Variants in HAS3 observed in about 807,000 individuals in gnomAD.
The protein encoded by HAS3 is HA synthase 3.
A neutral mutation model predicts 50.3 loss-of-function variants in HAS3; 27 were observed. The observed-to-expected ratio is 0.54, with a 90% confidence interval of 0.40 to 0.74. The LOEUF is 0.74. Among genes scored for constraint, HAS3 ranks in the 30% least tolerant of loss-of-function variants. HAS3 has a pLI of 0.00. For missense variants in HAS3, 517 were observed against 742.8 expected, an observed-to-expected ratio of 0.70 and a Z score of 3.53; for synonymous variants, 339 against 310.9, an observed-to-expected ratio of 1.09 and a Z score of -0.95.
At chr16:69,099,799 G>T in the HAS3 span, among the ~76,000 whole-genome samples, 1 of 150,642 alleles carries the variant, frequency 6.6e-6, no homozygotes, top group South Asian at 2.1e-4. Flanking sequence ...AAAGATAAGT[G>T]TTGAAAATTG....
chr16:69,095,768 T>A, the HAS3 span, among the ~76,000 whole-genome samples: 1 of 151,932 alleles, frequency 6.6e-6, no homozygotes, highest in Non-Finnish European at 1.5e-5. Flanking sequence ...GGGGGTCCCC[T>A]CCAACAAAGG....
Position 69,115,222 on chromosome 16 carries a change from G to A in HAS3, c.1618G>A (p.Gly540Arg). 1.9e-6 allele frequency: 3 copies of A among 1,545,630 alleles called. No individual in the cohort carries two copies. The highest frequency in any genetic ancestry group is 1.4e-5 in the African/African-American group (1 of 73,052). ...TCTGGCCATCATCGCCCGGCGATGT[G>A]GGAAGAAGCCGGAGCAGTACAGCTT... is the stretch of plus-strand genomic sequence containing the variant. The part of the protein sequence containing the change: ...LYLAIIARRC[G>R]KKPEQYSLAF... The change falls in exon 4 of 4, where the codon GGG becomes AGG. Residue 540 changes from glycine to arginine, a missense_variant. Physicochemically the swap from Gly to Arg is moderately radical, Grantham distance 125. Transcript: ENST00000569188.
Position 69,117,543 on chromosome 16 carries a change from A to G in HAS3, c.*2277A>G. Reference sequence around the variant, plus strand: ...TCAAATCCTCTTTTGTATTGTTTCTACAATAATTTGTAAACATATTTATTT... The same window carrying G: ...TCAAATCCTCTTTTGTATTGTTTCTGCAATAATTTGTAAACATATTTATTT... On this transcript the variant is annotated 3_prime_UTR_variant, in exon 4 of 4. Coordinates refer to ENST00000569188, the MANE Select transcript of HAS3 (RefSeq NM_001199280.2). The G allele has an allele frequency of 1.1e-6, 1 of 920,958 alleles. No homozygotes were observed. The highest frequency in any genetic ancestry group is 1.3e-6 in the Non-Finnish European group (1 of 772,302). 57.0% of individuals were successfully genotyped at this position (920,958 alleles called of 1,614,324 possible).
Position 69,114,625 on chromosome 16 carries a change from A to T in HAS3, c.1021A>T (p.Thr341Ser). 20 of 1,614,026 alleles carry T rather than the reference A, an allele frequency of 1.2e-5. No individual in the cohort carries two copies. Among genetic ancestry groups the T allele is most frequent in the Non-Finnish European group, 1.7e-5 (20 of 1,180,006 alleles). ...GTATACCGCGCGCTCCAAGTGCCTC[A>T]CAGAGACCCCCACTAAGTACCTCCG... is the stretch of plus-strand genomic sequence containing the variant. ...TKYTARSKCL[T>S]ETPTKYLRWL... is the part of the protein sequence containing the mutation. The change falls in exon 4 of 4, where the codon ACA becomes TCA. Residue 341 changes from threonine (T) to serine (S), a missense_variant. Physicochemically the swap from Thr to Ser is moderately conservative, Grantham distance 58. Coordinates refer to ENST00000569188, the MANE Select transcript of HAS3 (RefSeq NM_001199280.2). This position sits in a 1 kb window ranked among gnomAD's most constrained non-coding sequence, Gnocchi z 6.4.
At chr16:69,118,490 CT>C (rs1396503187), downstream of HAS3, 1 of 1,350,522 alleles carries the variant, frequency 7.4e-7, no homozygotes, top group South Asian at 1.2e-5. Context: ...GAGCAGGGGA[CT>C]ACATGTGAAC....
At position 69,115,593 on chromosome 16, in the gene HAS3, T is replaced by C. The variant is rs1961154825; in HGVS notation, c.*327T>C. The C allele has an allele frequency of 1.9e-6, 2 of 1,054,074 alleles. No individual in the cohort carries two copies. The highest frequency in any genetic ancestry group is 2.3e-6 in the Non-Finnish European group (2 of 874,662). 65.3% of individuals were successfully genotyped at this position (1,054,074 alleles called of 1,614,324 possible). On this transcript the variant is annotated 3_prime_UTR_variant, in exon 4 of 4. Coordinates refer to ENST00000569188, the MANE Select transcript of HAS3 (RefSeq NM_001199280.2). ...TGTGCTAAACCAAGTTAAGTCCCAT[T>C]CAGTGGCAACTTGTGATAGGTACCT...
chr16:69,111,767 G>A (rs2152258150), intron 2 of HAS3, among the ~76,000 whole-genome samples: 1 of 152,248 alleles, frequency 6.6e-6, no homozygotes, highest in East Asian at 1.9e-4. Context: ...AAACTTTCCT[G>A]GGGACCCAAA....
chr16:69,098,154 C>T, the HAS3 span, among the ~76,000 whole-genome samples: 7 of 152,190 alleles, frequency 4.6e-5, no homozygotes, highest in African/African-American at 1.7e-4. Context: ...GAGGCCGAGG[C>T]GGGAGGATCA....
In HAS3 at chr16:69,115,255, G is replaced by A. The variant is rs368360996; in HGVS notation, c.1651G>A (p.Ala551Thr). ...GCCGGAGCAGTACAGCTTGGCTTTT[G>A]CTGAGGTGTGACATGGCCCCCAAGC... ...KKPEQYSLAFAEV is the reference protein window; with the variant it reads ...KKPEQYSLAFTEV The change falls in exon 4 of 4, where the codon GCT (alanine) becomes ACT (threonine). Residue 551 changes from alanine to threonine, a missense_variant. Ala to Thr is a moderately conservative substitution (Grantham distance 58, BLOSUM62 0). Transcript: ENST00000569188. The A allele has an allele frequency of 9.4e-5, 143 of 1,519,894 alleles. No homozygotes were observed. Among genetic ancestry groups the A allele is most frequent in the Admixed American group, 2.6e-4 (12 of 45,734 alleles). 94.2% of individuals were successfully genotyped at this position (1,519,894 alleles called of 1,614,324 possible). A position where few individuals can be genotyped will look rare whatever the true frequency, so the allele number is the denominator to read the frequency against.
chr16:69,113,382 G>T, intron 2 of HAS3, 59 bp from the exon 3 acceptor site: 2 of 1,084,388 alleles, frequency 1.8e-6, no homozygotes, highest in South Asian at 1.2e-5. Context: ...GCAGTGGGGT[G>T]GGGGACAGGG....
upstream of HAS3, among the ~76,000 whole-genome samples, chr16:69,104,992 G>GGTTTTTT (rs1567576954): frequency 2.0e-4 from 16 of 81,958 alleles, 1 homozygote; most frequent in Admixed American, 3.5e-4. Context: ...CTGTTTTTTG[G>GGTTTTTT]TTTTTTTTTT....
chr16:69,102,766 G>A (rs1479575047), upstream of HAS3, among the ~76,000 whole-genome samples: 4 of 152,334 alleles, frequency 2.6e-5, no homozygotes, highest in Admixed American at 6.5e-5. Flanking sequence ...CGTGAGAAGG[G>A]CAATAAGCCT....
upstream of HAS3, among the ~76,000 whole-genome samples, chr16:69,103,940 C>G (rs918754561): frequency 3.3e-5 from 5 of 152,214 alleles, no homozygotes; most frequent in African/African-American, 4.8e-5. Context: ...CCTCCACCAA[C>G]CTAAGGCTTC....
chr16:69,115,035 C>T lies in HAS3; in HGVS notation c.1431C>T (p.Asn477=), dbSNP rs765786269. 3 of 1,614,184 alleles carry T rather than the reference C, an allele frequency of 1.9e-6. No individual in the cohort carries two copies. Among genetic ancestry groups the T allele is most frequent in the East Asian group, 4.5e-5 (2 of 44,884 alleles). ...CTGGCCGAAAAACCATTGTGGTGAA[C>T]TTCATTGGCCTCATTCCTGTGTCCA... The part of the protein sequence containing the change: ...GTSGRKTIVV[N]FIGLIPVSIW... The change falls in exon 4 of 4, where the codon AAC becomes AAT. Residue 477 remains asparagine (N), a synonymous_variant. Transcript: ENST00000569188.
chr16:69,107,190 C>T lies in HAS3; in HGVS notation c.-1+1403C>T. ...GCCCCAGGTCTGGGCAGGAGAACCT[C>T]GACCACAGCCTGCACCAGCGCCTGA... On this transcript the variant is annotated intron_variant, in intron 1 of 3. Coordinates refer to ENST00000569188, the MANE Select transcript of HAS3 (RefSeq NM_001199280.2). This position sits in a 1 kb window ranked among gnomAD's most constrained non-coding sequence, Gnocchi z 5.5. 1 of 337,796 alleles carries T rather than the reference C, an allele frequency of 3.0e-6. No individual in the cohort carries two copies. The highest frequency in any genetic ancestry group is 4.2e-6 in the Non-Finnish European group (1 of 237,904). The allele number at this position is 337,796 out of a possible 1,614,324, so 20.9% of individuals were successfully genotyped here. A position where few individuals can be genotyped will look rare whatever the true frequency, so the allele number is the denominator to read the frequency against.
chr16:69,104,576 G>A (rs1418557589), upstream of HAS3, among the ~76,000 whole-genome samples: 2 of 152,188 alleles, frequency 1.3e-5, no homozygotes, highest in Admixed American at 6.5e-5. Context: ...GATTACAGGC[G>A]TGAGCCTGCA....
chr16:69,093,741 G>C, the HAS3 span, among the ~76,000 whole-genome samples: 1 of 151,878 alleles, frequency 6.6e-6, no homozygotes, highest in East Asian at 1.9e-4. Context: ...TGTTGGTCAG[G>C]CTGGTCTCGA....
chr16:69,104,168 G>GT (rs769082218), upstream of HAS3, among the ~76,000 whole-genome samples: 1 of 151,634 alleles, frequency 6.6e-6, no homozygotes, highest in Non-Finnish European at 1.5e-5. Context: ...ATAGCTCACT[G>GT]TTGCCTTGAC....
chr16:69,104,270 T>TTTTC, upstream of HAS3, among the ~76,000 whole-genome samples: 1 of 150,930 alleles, frequency 6.6e-6, no homozygotes, highest in African/African-American at 2.4e-5. Context: ...TTTTTTTTTT[T>TTTTC]TTTCTTTTCT....
Sources: gnomAD v4.1 joint callset for allele counts (sites outside exome capture counted in the v4.1 genomes callset) on GRCh38, gnomAD v4.1.1 for gene constraint, Gnocchi (gnomAD v3.1) non-coding constraint, MANE v1.5 for transcripts, NCBI Gene and HGNC (gene_info 2026-07-23, HGNC 2026-07-21) for gene names.